Variants in HDGFL2 observed in about 807,000 individuals in gnomAD.
The protein encoded by HDGFL2 is hepatoma-derived growth factor-related protein 2.
Under a neutral mutation model 77.1 loss-of-function variants are expected in HDGFL2, and 36 were observed. That is an observed-to-expected ratio of 0.47 (90% CI 0.36 to 0.62). The LOEUF is 0.62. Ranked by LOEUF, HDGFL2 falls within the 20% of genes least tolerant of loss-of-function variation. The pLI is 0.00. For missense variants in HDGFL2, 976 were observed against 973.4 expected, an observed-to-expected ratio of 1.00 and a Z score of -0.04; for synonymous variants, 463 against 413.1, an observed-to-expected ratio of 1.12 and a Z score of -1.46.
rs757197064 is a variant in HDGFL2 at position 4,475,263 on chromosome 19, C to G, written c.73-12C>G. 4 of 1,613,420 alleles carry G rather than the reference C, an allele frequency of 2.5e-6. No individual in the cohort carries two copies. Among genetic ancestry groups the G allele is most frequent in the South Asian group, 2.2e-5 (2 of 91,068 alleles). On this transcript the variant is annotated splice_polypyrimidine_tract_variant and intron_variant, in intron 1 of 15. Transcript: ENST00000616600. The stretch of plus-strand genomic sequence containing the variant: ...TGGGTAAAGCCACCCCCTCACTGGC[C>G]TCTCACTGCAGATCGACGACATCGC...
At chr19:4,475,718 T>C in intron 3 of HDGFL2, 135 bp downstream of exon 3, 1 of 1,117,318 alleles carries the variant, frequency 9.0e-7, no homozygotes, top group Non-Finnish European at 1.2e-6. Context: ...TTCTGGGCCC[T>C]GCAGGTGCTG....
chr19:4,481,252 G>A (rs1428873708), intron 3 of HDGFL2, among the ~76,000 whole-genome samples: 4 of 133,472 alleles, frequency 3.0e-5, no homozygotes, highest in Non-Finnish European at 4.7e-5. Context: ...GTGCAGTGGC[G>A]CGATCTTGGC....
chr19:4,483,591 G>C lies in HDGFL2; in HGVS notation c.289-5085G>C, dbSNP rs571628398. Among the ~76,000 whole-genome samples, 4 of 152,070 alleles carry C rather than the reference G, an allele frequency of 2.6e-5. No homozygotes were observed. The South Asian group carries it at 8.3e-4, about 32-fold the overall frequency. On this transcript the variant is annotated intron_variant, in intron 3 of 15. Transcript: ENST00000616600. ...CCCTCTTGCCCGGCCGCAACACCCG[G>C]TCACAAACGTGGGCCTTACTCTGCC...
At chr19:4,484,666 ATTTTTT>A (rs71168907) in intron 3 of HDGFL2, among the ~76,000 whole-genome samples, 2,404 of 74,106 alleles carry the variant, frequency 0.032, 120 homozygotes, top group African/African-American at 0.13. Flanking sequence ...CGCCTGGCTA[ATTTTTT>A]TTTTTTTTTT....
intron 15 of HDGFL2, 29 bp from the exon 16 acceptor site, chr19:4,501,882 C>G (rs371306866): frequency 9.2e-4 from 1,305 of 1,413,878 alleles, no homozygotes; most frequent in Non-Finnish European, 1.1e-3. Context: ...GGGAGGGCAT[C>G]CTCACACCGC....
At chr19:4,488,061 C>G (rs150071600) in intron 3 of HDGFL2, among the ~76,000 whole-genome samples, 2 of 152,212 alleles carry the variant, frequency 1.3e-5, no homozygotes, top group Non-Finnish European at 2.9e-5. Flanking sequence ...ACCTCCACCT[C>G]GTGGGTTCAA....
chr19:4,491,859 C>G, intron 6 of HDGFL2, 24 bp downstream of exon 6: 2 of 1,603,560 alleles, frequency 1.2e-6, no homozygotes, highest in Non-Finnish European at 8.5e-7. Context: ...GACTTTGTTT[C>G]CCATGCCCAC....
rs202044743 is a variant in HDGFL2, at chr19:4,501,334, G to T, written c.1916+17G>T. 155 of 1,573,682 alleles carry T rather than the reference G, an allele frequency of 9.8e-5. No homozygotes were observed. The highest frequency in any genetic ancestry group is 1.2e-4 in the Non-Finnish European group (140 of 1,157,682). On this transcript the variant is annotated intron_variant, in intron 15 of 15. Coordinates refer to ENST00000616600, the MANE Select transcript of HDGFL2 (RefSeq NM_001001520.3). The stretch of plus-strand genomic sequence containing the variant: ...CCTGCACGAGTGAGTGTCCCGGGCC[G>T]TGGGGTTTGGACTCCTGAGCGGCAG...
rs1473595981 is a variant in HDGFL2, at chr19:4,475,591, C to A, written c.288+8C>A. ...AGCTACAGCGCCCCTCCGGTGAGTA[C>A]CCGGGGTGGAGAGCCAGTGTGAAGC... On this transcript the variant is annotated splice_region_variant and intron_variant, in intron 3 of 15. Transcript: ENST00000616600. 1 of 1,566,356 alleles carries A rather than the reference C, an allele frequency of 6.4e-7. No homozygotes were observed. The highest frequency in any genetic ancestry group is 1.2e-5 in the South Asian group (1 of 83,500).
chr19:4,472,880 C>T (rs1974980293), intron 1 of HDGFL2, among the ~76,000 whole-genome samples: 1 of 131,970 alleles, frequency 7.6e-6, no homozygotes, highest in Non-Finnish European at 1.6e-5. Flanking sequence ...CCAAGCCCTG[C>T]AGGAGCCGCG....
At chr19:4,499,788 G>A in intron 14 of HDGFL2, 84 bp downstream of exon 14, 1 of 1,109,016 alleles carries the variant, frequency 9.0e-7, no homozygotes, top group African/African-American at 1.5e-5. Flanking sequence ...CAGAAGGGGA[G>A]TACAGCTCTA....
chr19:4,499,662 GAGGAGGCCCCCC>G lies in HDGFL2; in HGVS notation c.1753_1764del (p.Ala585_Glu588del). On this transcript the variant is annotated inframe_deletion, in exon 14 of 16. Transcript: ENST00000616600. ...GCTGGCCGGGGAGGAGCTGGCCGGG[GAGGAGGCCCCCC>G]AGGAGAAGGCGGAGGACAAGCCCAG... 1.3e-6 allele frequency: 2 copies of G among 1,577,588 alleles called. No homozygotes were observed. The highest frequency in any genetic ancestry group is 1.7e-6 in the Non-Finnish European group (2 of 1,161,626).
At chr19:4,499,007 C>T (rs541495031) in intron 13 of HDGFL2, 92 bp downstream of exon 13, 14 of 864,936 alleles carry the variant, frequency 1.6e-5, no homozygotes, top group Admixed American at 1.2e-4. Flanking sequence ...AGGTTCCTGT[C>T]GGGACAGCCC....
In HDGFL2 at chr19:4,472,336, C is replaced by A; in HGVS notation, c.-15C>A. ...CTGCAGCCGCTTTCCGCGGCCTGGG[C>A]CTCTCGCCGTCAGCATGCCACACGC... On this transcript the variant is annotated 5_prime_UTR_variant, in exon 1 of 16. Coordinates refer to ENST00000616600, the MANE Select transcript of HDGFL2 (RefSeq NM_001001520.3). The A allele has an allele frequency of 6.6e-7, 1 of 1,513,000 alleles. No individual in the cohort carries two copies. Among genetic ancestry groups the A allele is most frequent in the Non-Finnish European group, 8.8e-7 (1 of 1,132,146 alleles). The allele number at this position is 1,513,000 out of a possible 1,614,324, so 93.7% of individuals were successfully genotyped here. A position where few individuals can be genotyped will look rare whatever the true frequency, so the allele number is the denominator to read the frequency against.
Position 4,489,107 on chromosome 19 carries a change from C to G in HDGFL2, c.489+231C>G, listed in dbSNP as rs551128078. Among the ~76,000 whole-genome samples, 56 of 151,956 alleles carry G rather than the reference C, an allele frequency of 3.7e-4. 1 individual carries two copies. The East Asian group carries it at 9.0e-3, about 24-fold the overall frequency. On this transcript the variant is annotated intron_variant, in intron 4 of 15. Coordinates refer to ENST00000616600, the MANE Select transcript of HDGFL2 (RefSeq NM_001001520.3). ...TAGCTGGGATTACAGGCACCTGCCA[C>G]CGCACTTGGCTAATTTTTGTATTTT... is the stretch of plus-strand genomic sequence containing the variant.
chr19:4,495,844 C>A (rs1343788605), intron 9 of HDGFL2, among the ~76,000 whole-genome samples: 1 of 152,060 alleles, frequency 6.6e-6, no homozygotes, highest in South Asian at 2.1e-4. Flanking sequence ...CCTGTCACGC[C>A]CTCTACCCTT....
At chr19:4,492,079 T>C (rs1975529794) in intron 6 of HDGFL2, among the ~76,000 whole-genome samples, 1 of 152,114 alleles carries the variant, frequency 6.6e-6, no homozygotes. Context: ...AGGGAAGCAG[T>C]CCTGACGCGC....
chr19:4,498,092 G>GTGGCGTGGC (rs1447963138), intron 11 of HDGFL2, 61 bp downstream of exon 11: 1 of 1,452,432 alleles, frequency 6.9e-7, no homozygotes, highest in African/African-American at 1.4e-5. Flanking sequence ...GGGGACAGCC[G>GTGGCGTGGC]TGGCGTGGCT....
chr19:4,499,743 C>T (rs1975809499), intron 14 of HDGFL2, 39 bp downstream of exon 14: 3 of 1,430,094 alleles, frequency 2.1e-6, no homozygotes, highest in Non-Finnish European at 2.8e-6. Flanking sequence ...CCTCAGTCTC[C>T]TCAGCTGAAG....
Sources: gnomAD v4.1 joint callset for allele counts (sites outside exome capture counted in the v4.1 genomes callset) on GRCh38, gnomAD v4.1.1 for gene constraint, MANE v1.5 for transcripts, NCBI Gene and HGNC (gene_info 2026-07-23, HGNC 2026-07-21) for gene names.